Variants in PTPRD observed in about 807,000 individuals in gnomAD.
PTPRD encodes protein tyrosine phosphatase receptor type D, also known as receptor-type tyrosine-protein phosphatase delta.
Under a neutral mutation model 214.5 loss-of-function variants are expected in PTPRD, and 34 were observed. That is an observed-to-expected ratio of 0.16 (90% confidence interval 0.12 to 0.21). PTPRD has a LOEUF of 0.21. Among genes scored for constraint, PTPRD ranks in the 10% least tolerant of loss-of-function variants. The pLI is 1.00. For synonymous variants in PTPRD, 1,128 were observed against 845.7 expected (o/e 1.33, Z -5.79); for missense variants, 2,545 against 2,398.7 (o/e 1.06, Z -1.27).
At chr9:10,035,612 T>C (rs528378325) in intron 3 of PTPRD, among the ~76,000 whole-genome samples, 1 of 152,060 alleles carries the variant, frequency 6.6e-6, no homozygotes, top group Non-Finnish European at 1.5e-5. Flanking sequence ...TACTTCCCTA[T>C]CTAGGTTGAC....
intron 10 of PTPRD, among the ~76,000 whole-genome samples, chr9:9,057,906 T>C (rs1442971677): frequency 6.6e-6 from 1 of 152,166 alleles, no homozygotes; most frequent in South Asian, 2.1e-4. Context: ...GAAGTATAAA[T>C]ATTATATAAA....
At chr9:8,461,606 A>ATTT (rs112467189) in intron 32 of PTPRD, among the ~76,000 whole-genome samples, 2 of 139,390 alleles carry the variant, frequency 1.4e-5, no homozygotes, top group African/African-American at 5.2e-5. Context: ...CATTGGTCCT[A>ATTT]TTTTTTTTTT....
rs201506135 is a variant in PTPRD at position 9,927,261 on chromosome 9, C to T, written c.-368+11246G>A. Among the ~76,000 whole-genome samples, 16 of 152,234 alleles carry T rather than the reference C, an allele frequency of 1.1e-4. No homozygotes were observed. The East Asian group carries it at 1.5e-3, about 15-fold the overall frequency. On this transcript the variant is annotated intron_variant, in intron 5 of 45. Transcript: ENST00000381196. ...GAGGAGCATGAAATAAAGAACTCTT[C>T]GGGCGAACACTTAAAACCCACCTAA...
chr9:8,489,559 A>T (rs75313131), intron 27 of PTPRD, among the ~76,000 whole-genome samples: 1 of 152,222 alleles, frequency 6.6e-6, no homozygotes, highest in Non-Finnish European at 1.5e-5. Flanking sequence ...AGAACACCCA[A>T]TATCACCTCA....
chr9:9,337,934 G>A lies in PTPRD; in HGVS notation c.-203+59515C>T, dbSNP rs943820130. ...TGCAACCATAAAATTATAAAATTGC[G>A]GAATTTTACTTTCTTCATACATTCT... On this transcript the variant is annotated intron_variant, in intron 9 of 45. Coordinates refer to ENST00000381196, the MANE Select transcript of PTPRD (RefSeq NM_002839.4). Among the ~76,000 whole-genome samples the A allele has an allele frequency of 9.2e-5, 14 of 152,150 alleles. No homozygotes were observed. In the East Asian group the frequency reaches 1.9e-3, roughly 21 times the overall value.
Position 8,349,261 on chromosome 9 carries a change from T to C in PTPRD, c.4662-7283A>G, listed in dbSNP as rs537355057. ...AGAAATAACAAACCTCCGGCACTTA[T>C]TTTTCCTTAAGAAATTGAATGTTGA... On this transcript the variant is annotated intron_variant, in intron 39 of 45. Coordinates refer to ENST00000381196, the MANE Select transcript of PTPRD (RefSeq NM_002839.4). 6.9e-4 allele frequency among the ~76,000 whole-genome samples: 105 copies of C among 152,284 alleles called. 2 individuals carry two copies. Among genetic ancestry groups the C allele is most frequent in the Admixed American group, 3.3e-3 (51 of 15,282 alleles).
chr9:9,468,051 T>G (rs12001482), intron 8 of PTPRD, among the ~76,000 whole-genome samples: 11,638 of 152,120 alleles, frequency 0.077, 524 homozygotes, highest in Non-Finnish European at 0.11. Flanking sequence ...TGGAGCAGTT[T>G]TGCATTTGAA....
chr9:8,461,812 TTTTAAAAAA>T (rs1225564937), intron 32 of PTPRD, among the ~76,000 whole-genome samples: 2 of 151,846 alleles, frequency 1.3e-5, no homozygotes. Context: ...AACATTCTTT[TTTTAAAAAA>T]ATTTTTTTTA....
At chr9:9,107,155 G>C (rs1476391611) in intron 10 of PTPRD, among the ~76,000 whole-genome samples, 1 of 152,122 alleles carries the variant, frequency 6.6e-6, no homozygotes, top group Non-Finnish European at 1.5e-5. Flanking sequence ...TGTAGGAATA[G>C]AGTGTAAGAA....
rs1418438813 is a variant in PTPRD, at chr9:10,362,708, C to T, written c.-599-21691G>A. On this transcript the variant is annotated intron_variant, in intron 2 of 45. Transcript: ENST00000381196. Reference sequence around the variant, plus strand: ...CAGCCTGGCCAACATGATGAAACCCCGTCTCTATTAAAAATATAAAAATTA... The same window carrying T: ...CAGCCTGGCCAACATGATGAAACCCTGTCTCTATTAAAAATATAAAAATTA... Among the ~76,000 whole-genome samples the T allele has an allele frequency of 7.2e-5, 11 of 152,020 alleles. No individual in the cohort carries two copies. The South Asian group carries it at 1.0e-3, about 14-fold the overall frequency.
At chr9:9,863,124 T>C (rs1397758757) in intron 5 of PTPRD, among the ~76,000 whole-genome samples, 1 of 152,076 alleles carries the variant, frequency 6.6e-6, no homozygotes, top group African/African-American at 2.4e-5. Flanking sequence ...AATTAGGAAA[T>C]ATGAAGATAA....
At chr9:9,799,706 T>C (rs753037000) in intron 5 of PTPRD, 1 of 152,086 alleles carries the variant, frequency 6.6e-6, no homozygotes, top group Non-Finnish European at 1.5e-5. Context: ...AAGGTTAGGC[T>C]TCAATAAAAG....
At chr9:9,413,864 T>C (rs1310715605) in intron 8 of PTPRD, among the ~76,000 whole-genome samples, 1 of 152,224 alleles carries the variant, frequency 6.6e-6, no homozygotes, top group Non-Finnish European at 1.5e-5. Context: ...GGTGGTATTA[T>C]ATTTCACAGT....
At chr9:9,520,462 C>T (rs187786972) in intron 8 of PTPRD, among the ~76,000 whole-genome samples, 9 of 152,020 alleles carry the variant, frequency 5.9e-5, no homozygotes, top group Admixed American at 5.2e-4. Context: ...CTGAGGGAGA[C>T]GGAGCATTTA....
At chr9:8,603,038 A>C (rs943943551) in intron 14 of PTPRD, among the ~76,000 whole-genome samples, 3 of 152,192 alleles carry the variant, frequency 2.0e-5, no homozygotes, top group African/African-American at 7.2e-5. Flanking sequence ...AACCTGTCTT[A>C]ATCAATTTTT....
intron 5 of PTPRD, among the ~76,000 whole-genome samples, chr9:9,886,682 TGAA>T (rs1298934659): frequency 2.0e-5 from 3 of 152,134 alleles, no homozygotes; most frequent in Admixed American, 6.6e-5. Context: ...ACTACAAGAA[TGAA>T]GAAGAAGTAA....
At chr9:8,672,829 A>T (rs1306336910) in intron 12 of PTPRD, among the ~76,000 whole-genome samples, 1 of 61,366 alleles carries the variant, frequency 1.6e-5, no homozygotes, top group Non-Finnish European at 2.9e-5. Flanking sequence ...CCAACATCTT[A>T]ATTTTTGTAC....
At chr9:10,011,322 C>T (rs2096595625) in intron 4 of PTPRD, among the ~76,000 whole-genome samples, 1 of 151,804 alleles carries the variant, frequency 6.6e-6, no homozygotes, top group East Asian at 1.9e-4. Flanking sequence ...AAATTGTTTC[C>T]AATTTTCTTT....
chr9:10,179,659 T>G (rs1043046991), intron 3 of PTPRD, among the ~76,000 whole-genome samples: 1 of 152,054 alleles, frequency 6.6e-6, no homozygotes, highest in African/African-American at 2.4e-5. Flanking sequence ...CAAGATGTGT[T>G]ACCTATATTC....
Sources: gnomAD v4.1 joint callset for allele counts (sites outside exome capture counted in the v4.1 genomes callset) on GRCh38, gnomAD v4.1.1 for gene constraint, MANE v1.5 for transcripts, NCBI Gene and HGNC (gene_info 2026-07-23, HGNC 2026-07-21) for gene names.